The following ANKRD46 variants were observed in gnomAD, a reference collection of about 807,000 sequenced individuals.
The protein encoded by ANKRD46 is ankyrin repeat domain-containing protein 46.
In ANKRD46, 13 loss-of-function variants were observed where a neutral mutation model predicts 19.8. That is an observed-to-expected ratio of 0.66 (90% CI 0.43 to 1.04). The LOEUF is 1.04. ANKRD46 is among the 50% of genes least tolerant of loss of function. ANKRD46 has a pLI of 0.00. For synonymous variants in ANKRD46, 91 were observed against 106.9 expected (o/e 0.85, Z 0.92); for missense variants, 185 against 274.8 (o/e 0.67, Z 2.31).
At chr8:100,520,741 TAAAAAAAAAA>T (rs5893523), downstream of ANKRD46, 1 of 677,916 alleles carries the variant, frequency 1.5e-6, no homozygotes, top group African/African-American at 2.4e-5. Flanking sequence ...TATAATACAC[TAAAAAAAAAA>T]AAAAAAAAGA....
Position 100,524,896 on chromosome 8 carries a change from C to T in ANKRD46, c.471-2125G>A, listed in dbSNP as rs1481894227. On this transcript the variant is annotated intron_variant, in intron 4 of 4. Coordinates refer to ENST00000335659, the MANE Select transcript of ANKRD46 (RefSeq NM_001270377.2). This position sits in a 1 kb window ranked among gnomAD's most constrained non-coding sequence, Gnocchi z 4.3. ...TAACATAATGGGGTGTGTGTATAAT[C>T]TTTTTTTAAAAACGTGATATCTACA... Among the ~76,000 whole-genome samples, 6 of 148,412 alleles carry T rather than the reference C, an allele frequency of 4.0e-5. No individual in the cohort carries two copies. In the East Asian group the frequency reaches 1.2e-3, roughly 30 times the overall value.
Position 100,522,732 on chromosome 8 carries a change from C to T in ANKRD46, c.510G>A (p.Gln170=), listed in dbSNP as rs372353120. ...AGCTGGAGAGGACTCCTTCACCTTG[C>T]TGCAGGTTGGGATTGAGGAGTGAAT... ...ESHSLLNPNL[Q]QGEGVLSSFR... is the part of the protein sequence containing the mutation. Residue 170 remains glutamine (Q), a synonymous_variant, in exon 5 of 5, where the codon CAG becomes CAA. Coordinates refer to ENST00000335659, the MANE Select transcript of ANKRD46 (RefSeq NM_001270377.2). 3.7e-6 allele frequency: 6 copies of T among 1,613,900 alleles called. No individual in the cohort carries two copies. Among genetic ancestry groups the T allele is most frequent in the Admixed American group, 1.7e-5 (1 of 59,962 alleles).
chr8:100,513,261 C>CA (rs1220151939), intron 5 of ANKRD46, among the ~76,000 whole-genome samples: 1 of 152,104 alleles, frequency 6.6e-6, no homozygotes, highest in Admixed American at 6.5e-5. Context: ...TAGTTGAGCA[C>CA]AAAATCACTG....
At position 100,529,381 on chromosome 8, in the gene ANKRD46, A is replaced by G; in HGVS notation, c.311+142T>C. ...CCCCTCATTCCCTCACTTGCCTAACAGGATTACACTGTCTTCAATGCTTTC... is the reference window on the plus strand; with the variant it reads ...CCCCTCATTCCCTCACTTGCCTAACGGGATTACACTGTCTTCAATGCTTTC... On this transcript the variant is annotated intron_variant, in intron 3 of 4. Transcript: ENST00000335659. The surrounding 1 kb of genome is among the most constrained non-coding windows in gnomAD (Gnocchi z 5.8). 2 of 869,074 alleles carry G rather than the reference A, an allele frequency of 2.3e-6. No individual in the cohort carries two copies. The highest frequency in any genetic ancestry group is 3.3e-6 in the Non-Finnish European group (2 of 599,158). The allele number at this position is 869,074 out of a possible 1,614,324, so 53.8% of individuals were successfully genotyped here.
rs1161597639 is a variant in ANKRD46 at position 100,527,946 on chromosome 8, A to C, written c.369T>G (p.Asp123Glu). The C allele has an allele frequency of 2.5e-6, 4 of 1,612,984 alleles. No homozygotes were observed. The East Asian group carries it at 8.9e-5, about 36-fold the overall frequency. Residue 123 changes from aspartate to glutamate, a missense_variant, in exon 4 of 5, where the codon GAT (aspartate) becomes GAG (glutamate). Coordinates refer to ENST00000335659, the MANE Select transcript of ANKRD46 (RefSeq NM_001270377.2). This position sits in a 1 kb window ranked among gnomAD's most constrained non-coding sequence, Gnocchi z 4.0. ...CCAAAGATTCCAGCAATCGGATGAC[A>C]TCTTTATTTACTCCTCTGCGCTTTG... ...VLAKRRGVNKDVIRLLESLEE... is the reference protein window; with the variant it reads ...VLAKRRGVNKEVIRLLESLEE...
Position 100,551,041 on chromosome 8 carries a change from T to C in ANKRD46, c.-131+8670A>G. 3.9e-6 allele frequency: 2 copies of C among 512,724 alleles called. 1 individual carries two copies. The highest frequency in any genetic ancestry group is 3.2e-5 in the South Asian group (2 of 62,614). 31.8% of individuals were successfully genotyped at this position (512,724 alleles called of 1,614,324 possible). On this transcript the variant is annotated intron_variant, in intron 1 of 4. Coordinates refer to ENST00000335659, the MANE Select transcript of ANKRD46 (RefSeq NM_001270377.2). ...GACACGGAAGGCCATGCTAGTGAGC[T>C]TCCTGTTCAGCTCGGGGATGGCCTT...
chr8:100,555,022 A>T (rs1000537063), intron 1 of ANKRD46, among the ~76,000 whole-genome samples: 11 of 152,136 alleles, frequency 7.2e-5, no homozygotes, highest in Non-Finnish European at 1.5e-4. Context: ...CTCCAAAAAA[A>T]AAAAAAAAGT....
rs1812361269 is a variant in ANKRD46 at position 100,550,472 on chromosome 8, A to G, written c.-131+9239T>C. 6.5e-6 allele frequency: 1 copy of G among 153,348 alleles called. No individual in the cohort carries two copies. The highest frequency in any genetic ancestry group is 6.5e-5 in the Admixed American group (1 of 15,286). 9.5% of individuals were successfully genotyped at this position (153,348 alleles called of 1,614,324 possible). A position where few individuals can be genotyped will look rare whatever the true frequency, so the allele number is the denominator to read the frequency against. Reference sequence around the variant, plus strand: ...TGCCATCTGTATATCCTCTGTGATGAGGTGTCCATTAAGATCTTTGGCTCA... The same window carrying G: ...TGCCATCTGTATATCCTCTGTGATGGGGTGTCCATTAAGATCTTTGGCTCA... On this transcript the variant is annotated intron_variant, in intron 1 of 4. Transcript: ENST00000335659. The surrounding 1 kb of genome is among the most constrained non-coding windows in gnomAD (Gnocchi z 4.4).
chr8:100,542,857 C>T (rs946243253), intron 1 of ANKRD46, among the ~76,000 whole-genome samples: 3 of 152,006 alleles, frequency 2.0e-5, no homozygotes, highest in African/African-American at 7.2e-5. Context: ...AGCTCAATCA[C>T]CAGTCCTGAT....
At chr8:100,516,956 C>T (rs1308377832), downstream of ANKRD46, among the ~76,000 whole-genome samples, 3 of 152,142 alleles carry the variant, frequency 2.0e-5, no homozygotes, top group Non-Finnish European at 2.9e-5. Flanking sequence ...CAAGAGACCC[C>T]GGTCCCATAC....
rs560745189 is a variant in ANKRD46 at position 100,557,385 on chromosome 8, G to A, written c.-131+2326C>T. 2.0e-5 allele frequency among the ~76,000 whole-genome samples: 3 copies of A among 152,158 alleles called. No homozygotes were observed. The highest frequency in any genetic ancestry group is 7.2e-5 in the African/African-American group (3 of 41,436). On this transcript the variant is annotated intron_variant, in intron 1 of 4. Coordinates refer to ENST00000335659, the MANE Select transcript of ANKRD46 (RefSeq NM_001270377.2). This position sits in a 1 kb window ranked among gnomAD's most constrained non-coding sequence, Gnocchi z 5.9. ...ATCCTATCAGCAATACTCAGAATAC[G>A]ACGGCTTCTTACTGCCTCTCTTACT...
Position 100,550,249 on chromosome 8 carries a change from A to G in ANKRD46, c.-131+9462T>C, listed in dbSNP as rs1270956311. Among the ~76,000 whole-genome samples, 1 of 152,236 alleles carries G rather than the reference A, an allele frequency of 6.6e-6. No individual in the cohort carries two copies. Among genetic ancestry groups the G allele is most frequent in the East Asian group, 1.9e-4 (1 of 5,204 alleles). On this transcript the variant is annotated intron_variant, in intron 1 of 4. Coordinates refer to ENST00000335659, the MANE Select transcript of ANKRD46 (RefSeq NM_001270377.2). This position sits in a 1 kb window ranked among gnomAD's most constrained non-coding sequence, Gnocchi z 4.4. ...TTAAGAAACCACCAAATTGTCTCCC[A>G]AAGTAGCTGTACCATTTGGCATTCC...
intron 1 of ANKRD46, among the ~76,000 whole-genome samples, chr8:100,547,155 A>C (rs62515842): frequency 0.05 from 7,668 of 152,246 alleles, 302 homozygotes; most frequent in Non-Finnish European, 0.074. Context: ...TGTGAAAAGG[A>C]CATGAGATTT....
rs138438587 is a variant in ANKRD46 at position 100,546,686 on chromosome 8, T to C, written c.-131+13025A>G. On this transcript the variant is annotated intron_variant, in intron 1 of 4. Coordinates refer to ENST00000335659, the MANE Select transcript of ANKRD46 (RefSeq NM_001270377.2). This position sits in a 1 kb window ranked among gnomAD's most constrained non-coding sequence, Gnocchi z 4.0. ...AGCTATGAGAAAAGGGCCACTGTCC[T>C]CCAGACCCCAGAAAAGTAGATCCAC... Among the ~76,000 whole-genome samples, 742 of 152,286 alleles carry C rather than the reference T, an allele frequency of 4.9e-3. 3 individuals carry two copies. Among genetic ancestry groups the C allele is most frequent in the African/African-American group, 0.017 (687 of 41,572 alleles).
chr8:100,523,163 A>ATT (rs11436035), intron 4 of ANKRD46, among the ~76,000 whole-genome samples: 9 of 150,080 alleles, frequency 6.0e-5, no homozygotes, highest in Non-Finnish European at 1.0e-4. Flanking sequence ...CACCATCTCT[A>ATT]TTTTTTTTTA....
chr8:100,549,573 G>A (rs544064969), intron 1 of ANKRD46, among the ~76,000 whole-genome samples: 6 of 152,016 alleles, frequency 3.9e-5, no homozygotes, highest in Non-Finnish European at 5.9e-5. Context: ...TTTTTAAAAC[G>A]GTCTTTATTT....
At chr8:100,551,863 T>C in intron 1 of ANKRD46, 1 of 323,758 alleles carries the variant, frequency 3.1e-6, no homozygotes, top group South Asian at 3.0e-5. Flanking sequence ...TTTGAAAACA[T>C]TTTGGGCTGG....
At chr8:100,549,618 C>T (rs1458083154) in intron 1 of ANKRD46, among the ~76,000 whole-genome samples, 1 of 152,106 alleles carries the variant, frequency 6.6e-6, no homozygotes, top group African/African-American at 2.4e-5. Flanking sequence ...CAACACTGAG[C>T]AGATTTCCCA....
Position 100,532,791 on chromosome 8 carries a change from TA to T in ANKRD46, c.-28+417del, listed in dbSNP as rs933487460. On this transcript the variant is annotated intron_variant, in intron 2 of 4. Coordinates refer to ENST00000335659, the MANE Select transcript of ANKRD46 (RefSeq NM_001270377.2). The surrounding 1 kb of genome is among the most constrained non-coding windows in gnomAD (Gnocchi z 4.7). Reference sequence around the variant, plus strand: ...CTGCAGGTTGGACAAGCTTGCACAGTATTGAATCATAAAAATGGAAAAGCTA... The same window carrying T: ...CTGCAGGTTGGACAAGCTTGCACAGTTTGAATCATAAAAATGGAAAAGCTA... 9.2e-5 allele frequency among the ~76,000 whole-genome samples: 14 copies of T among 152,256 alleles called. No individual in the cohort carries two copies.
Sources: gnomAD v4.1 joint callset for allele counts (sites outside exome capture counted in the v4.1 genomes callset) on GRCh38, gnomAD v4.1.1 for gene constraint, Gnocchi (gnomAD v3.1) non-coding constraint, MANE v1.5 for transcripts, NCBI Gene and HGNC (gene_info 2026-07-23, HGNC 2026-07-21) for gene names.